FBN2: variants seen among roughly 807,000 people sequenced by gnomAD.
FBN2 encodes the protein fibrillin-2.
A neutral mutation model predicts 355.6 loss-of-function variants in FBN2; 105 were observed. That is an observed-to-expected ratio of 0.30 (90% CI 0.25 to 0.35). FBN2 has a LOEUF of 0.35. Among genes scored for constraint, FBN2 ranks in the 10% least tolerant of loss-of-function variants. The pLI is 1.00. For missense variants in FBN2, 3,280 were observed against 3,758.7 expected (o/e 0.87, Z 3.33); for synonymous variants, 1,350 against 1,301.2 (o/e 1.04, Z -0.81).
At chr5:128,455,067 C>T (rs1468063024) in intron 6 of FBN2, among the ~76,000 whole-genome samples, 1 of 152,066 alleles carries the variant, frequency 6.6e-6, no homozygotes, top group Non-Finnish European at 1.5e-5. Flanking sequence ...CATTTGAAAA[C>T]CTAAAAGATC....
In FBN2 at chr5:128,291,511, A is replaced by C. The variant is rs112945569; in HGVS notation, c.6292+18T>G. ...TTCTAAGCGTGAACTGTGACAGTGA[A>C]GTCATGCCAAATCTTACCAAAGCAT... On this transcript the variant is annotated intron_variant, in intron 49 of 64. Transcript: ENST00000262464. The C allele has an allele frequency of 6.2e-7, 1 of 1,613,702 alleles. No individual in the cohort carries two copies. Among genetic ancestry groups the C allele is most frequent in the Non-Finnish European group, 8.5e-7 (1 of 1,179,664 alleles).
At chr5:128,438,715 C>T (rs773081692) in intron 7 of FBN2, among the ~76,000 whole-genome samples, 30 of 152,198 alleles carry the variant, frequency 2.0e-4, no homozygotes, top group African/African-American at 4.6e-4. Context: ...GAGTTCTGGA[C>T]GGAAATTCAC....
At chr5:128,362,682 C>G (rs1751668879) in intron 18 of FBN2, among the ~76,000 whole-genome samples, 1 of 152,164 alleles carries the variant, frequency 6.6e-6, no homozygotes, top group Middle Eastern at 3.2e-3. Flanking sequence ...CCAGGCTGTT[C>G]TGGAACTTCT....
intron 6 of FBN2, among the ~76,000 whole-genome samples, chr5:128,454,743 A>G (rs955022032): frequency 1.3e-5 from 2 of 152,334 alleles, no homozygotes; most frequent in African/African-American, 2.4e-5. Context: ...GCAGAAACCA[A>G]TTTAGGGTCT....
At chr5:128,391,174 G>GT (rs1289751331) in intron 11 of FBN2, among the ~76,000 whole-genome samples, 2 of 152,124 alleles carry the variant, frequency 1.3e-5, no homozygotes, top group Admixed American at 6.5e-5. Context: ...ATTACTCCTT[G>GT]TAAGTTTTGG....
chr5:128,351,072 C>CA (rs1751343606), intron 20 of FBN2, 67 bp from the exon 21 acceptor site: 1 of 1,577,252 alleles, frequency 6.3e-7, no homozygotes, highest in Non-Finnish European at 8.7e-7. Flanking sequence ...GCTGTGTACA[C>CA]AAAAGGCATT....
Position 128,320,232 on chromosome 5 carries a change from T to C in FBN2, c.4472-1231A>G, listed in dbSNP as rs111603989. Among the ~76,000 whole-genome samples, 1,158 of 152,254 alleles carry C rather than the reference T, an allele frequency of 7.6e-3. 15 individuals are homozygous for C. Among genetic ancestry groups the C allele is most frequent in the African/African-American group, 0.027 (1,102 of 41,532 alleles). On this transcript the variant is annotated intron_variant, in intron 34 of 64. Transcript: ENST00000262464. Reference sequence around the variant, plus strand: ...CCTTCTGACTATGCATTTTTTTTTTTTTCAGACAGGTTCTTGCTCTGTCAC... The same window carrying C: ...CCTTCTGACTATGCATTTTTTTTTTCTTCAGACAGGTTCTTGCTCTGTCAC...
At chr5:128,338,480 C>T (rs1750906452) in intron 26 of FBN2, among the ~76,000 whole-genome samples, 1 of 152,106 alleles carries the variant, frequency 6.6e-6, no homozygotes, top group Non-Finnish European at 1.5e-5. Context: ...AGACTTATAA[C>T]CTACTATATC....
chr5:128,305,986 T>G, intron 42 of FBN2, 38 bp from the exon 43 acceptor site: 1 of 1,585,902 alleles, frequency 6.3e-7, no homozygotes, highest in Admixed American at 1.7e-5. Context: ...TATGTTGTTC[T>G]GTTTAATATA....
At chr5:128,525,395 G>A (rs1448351940) in intron 4 of FBN2, among the ~76,000 whole-genome samples, 5 of 152,040 alleles carry the variant, frequency 3.3e-5, no homozygotes, top group Non-Finnish European at 7.4e-5. Context: ...ATAGACTTCT[G>A]TCTTTCTTTT....
At position 128,289,133 on chromosome 5, in the gene FBN2, A is replaced by G. The variant is rs2126819409; in HGVS notation, c.6631T>C (p.Cys2211Arg). 1 of 1,613,996 alleles carries G rather than the reference A, an allele frequency of 6.2e-7. No individual in the cohort carries two copies. The highest frequency in any genetic ancestry group is 1.6e-4 in the Middle Eastern group (1 of 6,062). The change falls in exon 52 of 65, where the codon TGT becomes CGT. Residue 2211 changes from cysteine to arginine, a missense_variant. Physicochemically the swap from Cys to Arg is radical, Grantham distance 180. Around this residue, in one of 6 missense-constraint regions of FBN2, gnomAD observed 2,284 missense variants for 2,749.5 expected, o/e 0.83. Transcript: ENST00000262464. ...ATGTGGAGCCAACACTCACCCACAC[A>G]GCGTACTCCAGTGTAGTCAAGGTTG... ...GYNLDYTGVR[C>R]VDTDECSIGN...
chr5:128,421,331 G>A (rs2127016534), intron 7 of FBN2, among the ~76,000 whole-genome samples: 1 of 152,242 alleles, frequency 6.6e-6, no homozygotes, highest in African/African-American at 2.4e-5. Flanking sequence ...CAGCAGAGAT[G>A]ATGGCACAGT....
chr5:128,272,463 C>CATATAT (rs3083327), intron 61 of FBN2, among the ~76,000 whole-genome samples: 18,321 of 139,480 alleles, frequency 0.13, 1,197 homozygotes, highest in Non-Finnish European at 0.15. Flanking sequence ...TTTGGTAAAT[C>CATATAT]ATATATATAT....
At chr5:128,443,291 TGA>T (rs1753971108) in intron 7 of FBN2, among the ~76,000 whole-genome samples, 1 of 152,228 alleles carries the variant, frequency 6.6e-6, no homozygotes, top group African/African-American at 2.4e-5. Context: ...AAAATTCCTT[TGA>T]GGAAGACCAG....
intron 5 of FBN2, among the ~76,000 whole-genome samples, chr5:128,474,505 A>C (rs976734488): frequency 6.6e-6 from 1 of 152,194 alleles, no homozygotes; most frequent in Admixed American, 6.6e-5. Flanking sequence ...AATAGAAACA[A>C]GGTGCTTGAA....
At chr5:128,350,285 C>T (rs1209017174) in intron 21 of FBN2, among the ~76,000 whole-genome samples, 1 of 152,146 alleles carries the variant, frequency 6.6e-6, no homozygotes, top group Admixed American at 6.5e-5. Flanking sequence ...ACAGGTCAGG[C>T]GCGGTGGCTC....
intron 6 of FBN2, among the ~76,000 whole-genome samples, chr5:128,456,505 C>A (rs77477710): frequency 1.3e-5 from 2 of 152,134 alleles, no homozygotes; most frequent in African/African-American, 2.4e-5. Flanking sequence ...CCTCCAAAAG[C>A]GGTTGTCAGA....
At position 128,291,509 on chromosome 5, in the gene FBN2, G is replaced by C. The variant is rs771156786; in HGVS notation, c.6292+20C>G. On this transcript the variant is annotated intron_variant, in intron 49 of 64. Transcript: ENST00000262464. ...GTTTCTAAGCGTGAACTGTGACAGT[G>C]AAGTCATGCCAAATCTTACCAAAGC... 1.2e-6 allele frequency: 2 copies of C among 1,613,416 alleles called. No individual in the cohort carries two copies. Among genetic ancestry groups the C allele is most frequent in the African/African-American group, 2.7e-5 (2 of 74,884 alleles).
intron 34 of FBN2, among the ~76,000 whole-genome samples, chr5:128,321,592 T>C (rs1750376665): frequency 6.6e-6 from 1 of 152,186 alleles, no homozygotes; most frequent in Non-Finnish European, 1.5e-5. Context: ...GGTTTCCAGC[T>C]TCATCCACGT....
Sources: gnomAD v4.1 joint callset for allele counts (sites outside exome capture counted in the v4.1 genomes callset) on GRCh38, gnomAD v4.1.1 for gene constraint, gnomAD v4.1.1 regional missense constraint, MANE v1.5 for transcripts, NCBI Gene and HGNC (gene_info 2026-07-23, HGNC 2026-07-21) for gene names.